Variants in SERPINA1 observed in about 807,000 individuals in gnomAD.
The protein encoded by SERPINA1 is serpin family A member 1, also known as alpha-1-antitrypsin.
A neutral mutation model predicts 25.4 loss-of-function variants in SERPINA1; 21 were observed. The ratio of observed to expected loss-of-function variants is 0.83; its 90% CI spans 0.59 to 1.19. SERPINA1 has a LOEUF of 1.19. Among genes scored for constraint, SERPINA1 ranks in the 50% most tolerant of loss-of-function variants. SERPINA1 has a pLI of 0.00. For missense variants in SERPINA1, 546 were observed against 509.0 expected (o/e 1.07, Z -0.70); for synonymous variants, 218 against 211.1 (o/e 1.03, Z -0.29).
intron 1 of SERPINA1, among the ~76,000 whole-genome samples, chr14:94,384,721 T>C (rs1376200361): frequency 6.6e-6 from 1 of 151,972 alleles, no homozygotes; most frequent in Non-Finnish European, 1.5e-5. Context: ...AAAACCATCA[T>C]CTTAACAAAA....
At position 94,383,207 on chromosome 14, in the gene SERPINA1, G is replaced by A; in HGVS notation, c.31C>T (p.Leu11=). 6 of 1,614,006 alleles carry A rather than the reference G, an allele frequency of 3.7e-6. No individual in the cohort carries two copies. The highest frequency in any genetic ancestry group is 4.2e-6 in the Non-Finnish European group (5 of 1,180,038). Reference sequence around the variant, plus strand: ...ACCAGGCAGCACAGGCCTGCCAGCAGGAGGATGCCCCACGAGACAGAAGAC... The same window carrying A: ...ACCAGGCAGCACAGGCCTGCCAGCAAGAGGATGCCCCACGAGACAGAAGAC... The part of the protein sequence containing the change: MPSSVSWGIL[L]LAGLCCLVPV... Residue 11 remains leucine, a synonymous_variant, in exon 2 of 5, where the codon CTG becomes TTG. Transcript: ENST00000393087.
Position 94,378,582 on chromosome 14 carries a change from A to G in SERPINA1, c.1124T>C (p.Met375Thr), listed in dbSNP as rs1421513582. Residue 375 changes from methionine to threonine, a missense_variant, in exon 5 of 5, where the codon ATG (methionine) becomes ACG (threonine). Coordinates refer to ENST00000393087, the MANE Select transcript of SERPINA1 (RefSeq NM_000295.5). ...DEKGTEAAGA[M>T]FLEAIPMSIP... The stretch of plus-strand genomic sequence containing the variant: ...AGACATGGGTATGGCCTCTAAAAAC[A>G]TGGCCCCAGCAGCTTCAGTCCCTTT... 9 of 1,613,920 alleles carry G rather than the reference A, an allele frequency of 5.6e-6. No homozygotes were observed. The highest frequency in any genetic ancestry group is 5.0e-5 in the Admixed American group (3 of 59,978).
chr14:94,382,577 G>T lies in SERPINA1; in HGVS notation c.646+15C>A, dbSNP rs772110022. On this transcript the variant is annotated intron_variant, in intron 2 of 4. Coordinates refer to ENST00000393087, the MANE Select transcript of SERPINA1 (RefSeq NM_000295.5). ...GTTTCTATGGGAACAGCTCAGGCTG[G>T]TTGAGCAACCTTACCTTTAAAGAAG... The T allele has an allele frequency of 2.5e-6, 4 of 1,614,202 alleles. No individual in the cohort carries two copies. The highest frequency in any genetic ancestry group is 1.3e-5 in the African/African-American group (1 of 75,050).
chr14:94,381,702 C>G (rs564530116), intron 2 of SERPINA1, among the ~76,000 whole-genome samples: 3 of 152,348 alleles, frequency 2.0e-5, no homozygotes, highest in African/African-American at 7.2e-5. Context: ...TCAGGGACCC[C>G]TGATCCCAGC....
rs1370857918 is a variant in SERPINA1 at position 94,382,984 on chromosome 14, A to G, written c.254T>C (p.Phe85Ser). The G allele has an allele frequency of 6.2e-7, 1 of 1,608,022 alleles. No individual in the cohort carries two copies. Among genetic ancestry groups the G allele is most frequent in the Non-Finnish European group, 8.5e-7 (1 of 1,175,256 alleles). Residue 85 changes from phenylalanine (F) to serine (S), a missense_variant, in exon 2 of 5, where the codon TTT (phenylalanine) becomes TCT (serine). Coordinates refer to ENST00000393087, the MANE Select transcript of SERPINA1 (RefSeq NM_000295.5). The stretch of plus-strand genomic sequence containing the variant: ...CTTGGTCCCCAGGGAGAGCATTGCA[A>G]AGGCTGTAGCGATGCTCACTGGGGA... ...FFSPVSIATA[F>S]AMLSLGTKAD...
At chr14:94,383,350 T>A in intron 1 of SERPINA1, 109 bp from the exon 2 acceptor site, 1 of 1,190,688 alleles carries the variant, frequency 8.4e-7, no homozygotes, top group South Asian at 1.3e-5. Flanking sequence ...TAAACCAGCC[T>A]GTGCCAAGTA....
chr14:94,377,881 C>T lies in SERPINA1; in HGVS notation c.*568G>A, dbSNP rs140980287. On this transcript the variant is annotated 3_prime_UTR_variant, in exon 5 of 5. Coordinates refer to ENST00000393087, the MANE Select transcript of SERPINA1 (RefSeq NM_000295.5). Reference sequence around the variant, plus strand: ...GGGCCCGAGTCTGGTTAGGTGACAGCGGGTCAAGAGGAGGACATTGTCCTC... The same window carrying T: ...GGGCCCGAGTCTGGTTAGGTGACAGTGGGTCAAGAGGAGGACATTGTCCTC... 552 of 159,316 alleles carry T rather than the reference C, an allele frequency of 3.5e-3. 4 individuals carry two copies. Among genetic ancestry groups the T allele is most frequent in the African/African-American group, 0.012 (502 of 41,606 alleles). 9.9% of individuals were successfully genotyped at this position (159,316 alleles called of 1,614,324 possible).
chr14:94,377,588 T>A lies in SERPINA1; in HGVS notation c.*861A>T, dbSNP rs1051792714. 11 of 152,224 alleles carry A rather than the reference T, an allele frequency of 7.2e-5. No homozygotes were observed. The highest frequency in any genetic ancestry group is 2.7e-4 in the African/African-American group (11 of 41,408). The allele number at this position is 152,224 out of a possible 1,614,324, so 9.4% of individuals were successfully genotyped here. On this transcript the variant is annotated 3_prime_UTR_variant, in exon 5 of 5. Coordinates refer to ENST00000393087, the MANE Select transcript of SERPINA1 (RefSeq NM_000295.5). ...TGAGCCATCAGCAGGCCTATGGCCATGTGACTAGGGAGGAGAAGGGATATA... is the reference window on the plus strand; with the variant it reads ...TGAGCCATCAGCAGGCCTATGGCCAAGTGACTAGGGAGGAGAAGGGATATA...
chr14:94,379,454 G>A lies in SERPINA1; in HGVS notation c.1065+10C>T, dbSNP rs56388024. The A allele has an allele frequency of 2.5e-5, 40 of 1,614,096 alleles. No homozygotes were observed. The East Asian group carries it at 4.2e-4, about 17-fold the overall frequency. ...ACCAGGGTGCAACAAGGTCGTCAGG[G>A]TGATCTCACCTTGGAGAGCTTCAGG... On this transcript the variant is annotated intron_variant, in intron 4 of 4. Transcript: ENST00000393087.
chr14:94,389,541 T>G (rs1271799701), upstream of SERPINA1: 2 of 152,142 alleles, frequency 1.3e-5, no homozygotes, highest in African/African-American at 2.4e-5. Context: ...ACTCTGGGGT[T>G]GTTGGAGGCC....
In SERPINA1 at chr14:94,383,172, G is replaced by C; in HGVS notation, c.66C>G (p.Ser22=). 6.2e-7 allele frequency: 1 copy of C among 1,614,170 alleles called. No individual in the cohort carries two copies. Among genetic ancestry groups the C allele is most frequent in the East Asian group, 2.2e-5 (1 of 44,882 alleles). Residue 22 remains serine, a synonymous_variant, in exon 2 of 5, where the codon TCC becomes TCG. Coordinates refer to ENST00000393087, the MANE Select transcript of SERPINA1 (RefSeq NM_000295.5). ...LAGLCCLVPV[S]LAEDPQGDAA... ...CATCTCCCTGGGGATCCTCAGCCAGGGAGACAGGGACCAGGCAGCACAGGC... is the reference window on the plus strand; with the variant it reads ...CATCTCCCTGGGGATCCTCAGCCAGCGAGACAGGGACCAGGCAGCACAGGC...
At chr14:94,385,261 C>T (rs1435072550) in intron 1 of SERPINA1, among the ~76,000 whole-genome samples, 1 of 152,224 alleles carries the variant, frequency 6.6e-6, no homozygotes, top group Non-Finnish European at 1.5e-5. Flanking sequence ...CCTGGGGCCT[C>T]ACTCTCCCCA....
At chr14:94,379,066 G>A (rs1396298034) in intron 4 of SERPINA1, 1 of 546,048 alleles carries the variant, frequency 1.8e-6, no homozygotes, top group African/African-American at 1.9e-5. Context: ...CAAAATAAGT[G>A]TCATCTTTAG....
chr14:94,378,552 G>A lies in SERPINA1; in HGVS notation c.1154C>T (p.Pro385Leu). 1.9e-6 allele frequency: 3 copies of A among 1,614,030 alleles called. No individual in the cohort carries two copies. The highest frequency in any genetic ancestry group is 2.5e-6 in the Non-Finnish European group (3 of 1,179,990). Residue 385 changes from proline to leucine, a missense_variant, in exon 5 of 5, where the codon CCC becomes CTC. By Grantham distance (98) the Pro-to-Leu change is moderately conservative. Coordinates refer to ENST00000393087, the MANE Select transcript of SERPINA1 (RefSeq NM_000295.5). ...MFLEAIPMSI[P>L]PEVKFNKPFV... ...GGGTTTGTTGAACTTGACCTCGGGG[G>A]GGATAGACATGGGTATGGCCTCTAA...
intron 1 of SERPINA1, chr14:94,383,578 C>G (rs1051004967): frequency 2.6e-6 from 1 of 385,386 alleles, no homozygotes; most frequent in African/African-American, 2.0e-5. Context: ...GAGGAAGTAG[C>G]AGAACCAGAA....
chr14:94,378,466 TCAC>T lies in SERPINA1; in HGVS notation c.1237_1239del (p.Val413del), dbSNP rs760849035. On this transcript the variant is annotated inframe_deletion, in exon 5 of 5. Transcript: ENST00000393087. ...AGAGGCAGTTATTTTTGGGTGGGAT[TCAC>T]CACTTTTCCCATGAAGAGGGGAGAC... 1.2e-6 allele frequency: 2 copies of T among 1,614,150 alleles called. No individual in the cohort carries two copies. The highest frequency in any genetic ancestry group is 1.7e-6 in the Non-Finnish European group (2 of 1,180,012).
In SERPINA1 at chr14:94,379,655, C is replaced by T. The variant is rs199687369; in HGVS notation, c.918-44G>A. 3 of 1,613,646 alleles carry T rather than the reference C, an allele frequency of 1.9e-6. No homozygotes were observed. The African/African-American group carries it at 4.0e-5, about 21-fold the overall frequency. ...ATTCAAGGCATGGCACAGCATTCCT[C>T]TTGTTCTTCTGGGACCCACCACAGT... On this transcript the variant is annotated intron_variant, in intron 3 of 4. Transcript: ENST00000393087.
At chr14:94,385,766 G>T (rs1014146791) in intron 1 of SERPINA1, among the ~76,000 whole-genome samples, 1 of 152,178 alleles carries the variant, frequency 6.6e-6, no homozygotes, top group African/African-American at 2.4e-5. Context: ...TGCAGGGAGG[G>T]TGGCGAGGGG....
At position 94,382,685 on chromosome 14, in the gene SERPINA1, CG is replaced by C. The variant is rs267606950; in HGVS notation, c.552del (p.Tyr184Ter). On this transcript the variant is annotated frameshift_variant, in exon 2 of 5. Coordinates refer to ENST00000393087, the MANE Select transcript of SERPINA1 (RefSeq NM_000295.5). LOFTEE classifies it high-confidence loss of function. ...TEEAKKQIND[Y>X]VEKGTQGKIV... ...ATTTTCCCTTGAGTACCCTTCTCCA[CG>C]TAATCGTTGATCTGTTTCTTGGCCT... 3.1e-6 allele frequency: 5 copies of C among 1,614,124 alleles called. No individual in the cohort carries two copies. The highest frequency in any genetic ancestry group is 4.2e-6 in the Non-Finnish European group (5 of 1,180,050).
Sources: gnomAD v4.1 joint callset for allele counts (sites outside exome capture counted in the v4.1 genomes callset) on GRCh38, gnomAD v4.1.1 for gene constraint, MANE v1.5 for transcripts, NCBI Gene and HGNC (gene_info 2026-07-23, HGNC 2026-07-21) for gene names.